NRG1: variants seen among roughly 807,000 people sequenced by gnomAD.
The protein encoded by NRG1 is neuregulin 1, also known as pro-neuregulin-1, membrane-bound isoform.
A neutral mutation model predicts 63.8 loss-of-function variants in NRG1; 18 were observed. The observed-to-expected ratio is 0.28, with a 90% CI of 0.19 to 0.42. NRG1 has a LOEUF of 0.42. Ranked by LOEUF, NRG1 falls within the 10% of genes least tolerant of loss-of-function variation. NRG1 has a pLI of 1.00. For missense variants in NRG1, 762 were observed against 814.7 expected, an observed-to-expected ratio of 0.94 and a Z score of 0.79; for synonymous variants, 302 against 301.3, an observed-to-expected ratio of 1.00 and a Z score of -0.02.
intron 5 of NRG1, among the ~76,000 whole-genome samples, chr8:32,663,585 C>T (rs1298058880): frequency 6.6e-6 from 1 of 152,090 alleles, no homozygotes; most frequent in Non-Finnish European, 1.5e-5. Context: ...TCTCAAATTA[C>T]TCGTCAAGTT....
intron 1 of NRG1, among the ~76,000 whole-genome samples, chr8:31,782,125 A>G (rs1326802474): frequency 6.6e-6 from 1 of 152,070 alleles, no homozygotes; most frequent in African/African-American, 2.4e-5. Context: ...ATCCCACCTC[A>G]CTGATCTCAT....
At chr8:31,664,799 A>G (rs1427333721) in intron 1 of NRG1, among the ~76,000 whole-genome samples, 1 of 152,182 alleles carries the variant, frequency 6.6e-6, no homozygotes, top group Non-Finnish European at 1.5e-5. Context: ...ACTCAGTCAT[A>G]TTATAGGTTA....
At chr8:32,149,353 C>T (rs1001785635) in intron 1 of NRG1, among the ~76,000 whole-genome samples, 2 of 152,152 alleles carry the variant, frequency 1.3e-5, no homozygotes, top group African/African-American at 2.4e-5. Flanking sequence ...CTGAATGAAG[C>T]GTGCACCCTC....
intron 1 of NRG1, among the ~76,000 whole-genome samples, chr8:32,066,346 G>C (rs376188444): frequency 2.6e-5 from 4 of 152,036 alleles, no homozygotes; most frequent in South Asian, 2.1e-4. Context: ...TTTAATCCAT[G>C]TTGAATTAAT....
chr8:32,259,208 A>T (rs111290484), intron 1 of NRG1, among the ~76,000 whole-genome samples: 2,990 of 152,304 alleles, frequency 0.02, 50 homozygotes, highest in African/African-American at 0.043. Context: ...TATGGTTTGA[A>T]TGTCCCTATC....
chr8:31,789,863 A>T (rs1420136990), intron 1 of NRG1, among the ~76,000 whole-genome samples: 1 of 152,250 alleles, frequency 6.6e-6, no homozygotes, highest in Non-Finnish European at 1.5e-5. Flanking sequence ...GCAAATCAAC[A>T]GAAAACACTT....
intron 5 of NRG1, among the ~76,000 whole-genome samples, chr8:32,617,300 C>T (rs1043146829): frequency 7.2e-5 from 11 of 152,326 alleles, no homozygotes; most frequent in East Asian, 1.9e-4. Context: ...TCTTCATTCT[C>T]ATATAAAGTT....
At chr8:32,559,854 G>A (rs12543602) in intron 1 of NRG1, among the ~76,000 whole-genome samples, 27,139 of 145,878 alleles carry the variant, frequency 0.19, 3,346 homozygotes, top group Admixed American at 0.31. Flanking sequence ...AAAAAAAAAA[G>A]AAAGAAAAAG....
At chr8:32,496,401 G>A (rs1827198294) in intron 1 of NRG1, among the ~76,000 whole-genome samples, 1 of 152,120 alleles carries the variant, frequency 6.6e-6, no homozygotes, top group South Asian at 2.1e-4. Context: ...GGGCAATAGA[G>A]TGGGACCCCC....
chr8:32,763,681 C>G (rs923826578), intron 11 of NRG1, 67 bp from the exon 12 acceptor site: 8 of 1,440,618 alleles, frequency 5.6e-6, no homozygotes, highest in Non-Finnish European at 7.5e-6. Flanking sequence ...AACTCTGTCC[C>G]CTTACCTTCC....
chr8:32,542,944 A>T (rs1161697166), intron 1 of NRG1, among the ~76,000 whole-genome samples: 1 of 152,144 alleles, frequency 6.6e-6, no homozygotes, highest in Admixed American at 6.5e-5. Context: ...GGACTTGGGG[A>T]TGGGTGGGCC....
At chr8:32,213,764 G>C (rs919072672) in intron 1 of NRG1, among the ~76,000 whole-genome samples, 7 of 152,024 alleles carry the variant, frequency 4.6e-5, no homozygotes, top group African/African-American at 1.4e-4. Context: ...TCTCTGGCTG[G>C]GGCTTTGTAA....
At chr8:32,127,397 C>T (rs1453802639) in intron 1 of NRG1, among the ~76,000 whole-genome samples, 3 of 151,748 alleles carry the variant, frequency 2.0e-5, no homozygotes, top group Non-Finnish European at 4.4e-5. Context: ...GGCTACAGAC[C>T]TTGCTTATCA....
rs1301670247 is a variant in NRG1, at chr8:31,800,597, T to TTG, written c.37+161166_37+161167insTG. ...TTCTGGGAATTAAAAGTGCTTTAAGTGGTGTTGCTAAACAAACATTTCTAA... is the reference window on the plus strand; with the variant it reads ...TTCTGGGAATTAAAAGTGCTTTAAGTTGGGTGTTGCTAAACAAACATTTCTAA... On this transcript the variant is annotated intron_variant, in intron 1 of 10. Coordinates refer to the NRG1 transcript ENST00000519301. Among the ~76,000 whole-genome samples the TTG allele has an allele frequency of 3.9e-5, 6 of 152,308 alleles. No individual in the cohort carries two copies. The East Asian group carries it at 9.6e-4, about 24-fold the overall frequency.
chr8:32,437,320 T>TTTTG (rs989714893), intron 1 of NRG1, among the ~76,000 whole-genome samples: 1 of 151,810 alleles, frequency 6.6e-6, no homozygotes, highest in East Asian at 1.9e-4. Context: ...GTTTGTTTGT[T>TTTTG]TTTGTTTGTT....
intron 1 of NRG1, among the ~76,000 whole-genome samples, chr8:31,690,724 A>G: frequency 6.6e-6 from 1 of 152,164 alleles, no homozygotes; most frequent in East Asian, 1.9e-4. Context: ...AAGAGGTTCC[A>G]AGGATGATTT....
At chr8:32,763,380 T>C in intron 11 of NRG1, 1 of 1,610,512 alleles carries the variant, frequency 6.2e-7, no homozygotes, top group Non-Finnish European at 8.5e-7. Flanking sequence ...TAAGTAATAC[T>C]TCTTTCCCTT....
chr8:32,026,128 G>C (rs1817301322), intron 1 of NRG1: 1 of 149,672 alleles, frequency 6.7e-6, no homozygotes, highest in Non-Finnish European at 1.5e-5. Flanking sequence ...GAGTGCAGCG[G>C]CAGGATCTCG....
intron 6 of NRG1, among the ~76,000 whole-genome samples, chr8:32,741,195 A>G (rs1042272181): frequency 6.6e-6 from 1 of 152,198 alleles, no homozygotes; most frequent in Admixed American, 6.5e-5. Flanking sequence ...TAAGAACAAT[A>G]TTATATCAAG....
Sources: gnomAD v4.1 joint callset for allele counts (sites outside exome capture counted in the v4.1 genomes callset) on GRCh38, gnomAD v4.1.1 for gene constraint, MANE v1.5 for transcripts, NCBI Gene and HGNC (gene_info 2026-07-23, HGNC 2026-07-21) for gene names.